Variants in MFSD6 observed in about 807,000 individuals in gnomAD.
MFSD6 encodes the protein major facilitator superfamily domain-containing protein 6.
A neutral mutation model predicts 56.3 loss-of-function variants in MFSD6; 26 were observed. That is an observed-to-expected ratio of 0.46 (90% CI 0.34 to 0.64). The LOEUF is 0.64. Among genes scored for constraint, MFSD6 ranks in the 30% least tolerant of loss-of-function variants. MFSD6 has a pLI of 0.01. For synonymous variants in MFSD6, 331 were observed against 366.9 expected, an observed-to-expected ratio of 0.90 and a Z score of 1.12; for missense variants, 750 against 986.2, an observed-to-expected ratio of 0.76 and a Z score of 3.21.
rs976681419 is a variant in MFSD6 at position 190,418,102 on chromosome 2, C to G, written c.-54+2689C>G. Among the ~76,000 whole-genome samples the G allele has an allele frequency of 7.9e-5, 12 of 151,924 alleles. No homozygotes were observed. The highest frequency in any genetic ancestry group is 2.7e-4 in the African/African-American group (11 of 41,332). On this transcript the variant is annotated intron_variant, in intron 2 of 7. Transcript: ENST00000392328. The surrounding 1 kb of genome is among the most constrained non-coding windows in gnomAD (Gnocchi z 4.1). ...TTTTGGGATCCCTGTCTCATAGCTG[C>G]ACAGTGCATTGAGAGTCAGTACCTG...
chr2:190,442,987 C>G (rs1024892143), intron 3 of MFSD6: 2 of 152,148 alleles, frequency 1.3e-5, no homozygotes, highest in Admixed American at 1.3e-4. Context: ...AAATGTTGGT[C>G]TGTGCTTTAT....
At chr2:190,475,055 G>A (rs1473256872) in intron 4 of MFSD6, among the ~76,000 whole-genome samples, 1 of 152,056 alleles carries the variant, frequency 6.6e-6, no homozygotes, top group African/African-American at 2.4e-5. Flanking sequence ...GGTATTGATG[G>A]GACATATCTC....
intron 2 of MFSD6, among the ~76,000 whole-genome samples, chr2:190,421,735 A>AAAT (rs1553516771): frequency 6.6e-6 from 1 of 151,176 alleles, no homozygotes; most frequent in African/African-American, 2.4e-5. Context: ...TAAAAAAAAA[A>AAAT]TTTTTTTTAA....
Position 190,459,488 on chromosome 2 carries a change from G to GT in MFSD6, c.1533-10270_1533-10269insT, listed in dbSNP as rs1687210050. Among the ~76,000 whole-genome samples the GT allele has an allele frequency of 6.6e-6, 1 of 152,000 alleles. No individual in the cohort carries two copies. The highest frequency in any genetic ancestry group is 6.6e-5 in the Admixed American group (1 of 15,260). Reference sequence around the variant, plus strand: ...ACAAAATTGTAGGGGGTGTGTGTGTGAATATGTTCAGTCATTTGACTAAAC... The same window carrying GT: ...ACAAAATTGTAGGGGGTGTGTGTGTGTAATATGTTCAGTCATTTGACTAAAC... On this transcript the variant is annotated intron_variant, in intron 3 of 7. Coordinates refer to ENST00000392328, the MANE Select transcript of MFSD6 (RefSeq NM_017694.4). The surrounding 1 kb of genome is among the most constrained non-coding windows in gnomAD (Gnocchi z 5.3).
In MFSD6 at chr2:190,431,815, AT is replaced by A. The variant is rs1686014109; in HGVS notation, c.-53-4157del. ...TAAATTTTTCTTTCATATCATCTCA[AT>A]TTTTCATTTATGCTATAATACTTAT... On this transcript the variant is annotated intron_variant, in intron 2 of 7. Coordinates refer to ENST00000392328, the MANE Select transcript of MFSD6 (RefSeq NM_017694.4). This position sits in a 1 kb window ranked among gnomAD's most constrained non-coding sequence, Gnocchi z 4.4. Among the ~76,000 whole-genome samples, 1 of 152,042 alleles carries A rather than the reference AT, an allele frequency of 6.6e-6. No individual in the cohort carries two copies. The highest frequency in any genetic ancestry group is 6.6e-5 in the Admixed American group (1 of 15,264).
At position 190,443,114 on chromosome 2, in the gene MFSD6, A is replaced by T. The variant is rs1187848494; in HGVS notation, c.1532+5553A>T. 2 of 151,950 alleles carry T rather than the reference A, an allele frequency of 1.3e-5. No homozygotes were observed. Among genetic ancestry groups the T allele is most frequent in the African/African-American group, 4.8e-5 (2 of 41,332 alleles). The allele number at this position is 151,950 out of a possible 1,614,324, so 9.4% of individuals were successfully genotyped here. On this transcript the variant is annotated intron_variant, in intron 3 of 7. Transcript: ENST00000392328. This position sits in a 1 kb window ranked among gnomAD's most constrained non-coding sequence, Gnocchi z 4.2. Reference sequence around the variant, plus strand: ...TTTAGCAGCAATGGACTTTCTGAGCACCCCCCAATATCATCACCTGAGCCA... The same window carrying T: ...TTTAGCAGCAATGGACTTTCTGAGCTCCCCCCAATATCATCACCTGAGCCA...
rs185086098 is a variant in MFSD6 at position 190,416,653 on chromosome 2, A to G, written c.-54+1240A>G. 6.6e-6 allele frequency among the ~76,000 whole-genome samples: 1 copy of G among 152,250 alleles called. No homozygotes were observed. Among genetic ancestry groups the G allele is most frequent in the Non-Finnish European group, 1.5e-5 (1 of 68,050 alleles). ...AAAGTGCTTTTGGCATAATTGCAAA[A>G]TAAGACCCAGAGTTTTAATGAAATA... On this transcript the variant is annotated intron_variant, in intron 2 of 7. Coordinates refer to ENST00000392328, the MANE Select transcript of MFSD6 (RefSeq NM_017694.4). The surrounding 1 kb of genome is among the most constrained non-coding windows in gnomAD (Gnocchi z 4.1).
Position 190,459,490 on chromosome 2 carries a change from A to G in MFSD6, c.1533-10268A>G, listed in dbSNP as rs114192658. 2.6e-5 allele frequency among the ~76,000 whole-genome samples: 4 copies of G among 152,200 alleles called. No homozygotes were observed. Among genetic ancestry groups the G allele is most frequent in the Admixed American group, 1.3e-4 (2 of 15,282 alleles). ...AAAATTGTAGGGGGTGTGTGTGTGA[A>G]TATGTTCAGTCATTTGACTAAACAG... On this transcript the variant is annotated intron_variant, in intron 3 of 7. Coordinates refer to ENST00000392328, the MANE Select transcript of MFSD6 (RefSeq NM_017694.4). This position sits in a 1 kb window ranked among gnomAD's most constrained non-coding sequence, Gnocchi z 5.3.
rs1052321312 is a variant in MFSD6, at chr2:190,426,385, A to G, written c.-53-9592A>G. Among the ~76,000 whole-genome samples the G allele has an allele frequency of 2.7e-5, 4 of 150,214 alleles. No homozygotes were observed. Among genetic ancestry groups the G allele is most frequent in the African/African-American group, 9.8e-5 (4 of 40,858 alleles). ...TGTATTTTCCAGTTATAAGTTTTCCATTTTTTCTTCCATTTCTTTGCTGAG... is the reference window on the plus strand; with the variant it reads ...TGTATTTTCCAGTTATAAGTTTTCCGTTTTTTCTTCCATTTCTTTGCTGAG... On this transcript the variant is annotated intron_variant, in intron 2 of 7. Coordinates refer to ENST00000392328, the MANE Select transcript of MFSD6 (RefSeq NM_017694.4). This position sits in a 1 kb window ranked among gnomAD's most constrained non-coding sequence, Gnocchi z 4.7.
intron 4 of MFSD6, among the ~76,000 whole-genome samples, chr2:190,481,183 T>C (rs537142797): frequency 2.0e-5 from 3 of 152,380 alleles, no homozygotes; most frequent in African/African-American, 7.2e-5. Flanking sequence ...TTTTGGGTGG[T>C]AGTCTCCTAA....
chr2:190,493,021 C>A (rs1281546259), intron 6 of MFSD6, among the ~76,000 whole-genome samples: 1 of 151,810 alleles, frequency 6.6e-6, no homozygotes, highest in African/African-American at 2.4e-5. Context: ...TGGAATAGTA[C>A]CTCACATTTC....
rs1689272775 is a variant in MFSD6, at chr2:190,490,414, T to A, written c.1891+548T>A. Among the ~76,000 whole-genome samples, 1 of 151,900 alleles carries A rather than the reference T, an allele frequency of 6.6e-6. No individual in the cohort carries two copies. The highest frequency in any genetic ancestry group is 2.4e-5 in the African/African-American group (1 of 41,368). ...CCATCTCTACTAAAAATATAAAAAA[T>A]TAGCCGGGCACGGTGGTGGGCGCCT... On this transcript the variant is annotated intron_variant, in intron 6 of 7. Coordinates refer to ENST00000392328, the MANE Select transcript of MFSD6 (RefSeq NM_017694.4). The surrounding 1 kb of genome is among the most constrained non-coding windows in gnomAD (Gnocchi z 4.5).
rs768723792 is a variant in MFSD6 at position 190,441,800 on chromosome 2, C to T, written c.1532+4239C>T. On this transcript the variant is annotated intron_variant, in intron 3 of 7. Transcript: ENST00000392328. The stretch of plus-strand genomic sequence containing the variant: ...CACCCACTGTGGGTGGCCCTGAGCT[C>T]CAACAACATTCTCTCCTCTCTTTAT... Among the ~76,000 whole-genome samples the T allele has an allele frequency of 1.2e-3, 186 of 152,200 alleles. 1 individual carries two copies. The highest frequency in any genetic ancestry group is 2.1e-3 in the Non-Finnish European group (145 of 68,000).
intron 2 of MFSD6, among the ~76,000 whole-genome samples, chr2:190,427,739 CT>C (rs890160578): frequency 2.8e-5 from 4 of 140,480 alleles, no homozygotes; most frequent in East Asian, 4.1e-4. Flanking sequence ...TTTTTTTTTT[CT>C]TTTTTTTTGA....
rs551396945 is a variant in MFSD6, at chr2:190,432,311, G to T, written c.-53-3666G>T. On this transcript the variant is annotated intron_variant, in intron 2 of 7. Coordinates refer to ENST00000392328, the MANE Select transcript of MFSD6 (RefSeq NM_017694.4). ...AAGTGGGATGGGGAAAGGGGCCAAG[G>T]CTCAGAATCCAGGATGTGTATGTTC... Among the ~76,000 whole-genome samples the T allele has an allele frequency of 1.2e-3, 183 of 152,346 alleles. 4 individuals are homozygous for T. The highest frequency in any genetic ancestry group is 0.012 in the Admixed American group (178 of 15,312).
chr2:190,430,628 A>G (rs965557814), intron 2 of MFSD6, among the ~76,000 whole-genome samples: 1 of 151,964 alleles, frequency 6.6e-6, no homozygotes, highest in African/African-American at 2.4e-5. Flanking sequence ...CACAGCAACC[A>G]TCCGATTTCT....
At chr2:190,432,792 T>G (rs983992655) in intron 2 of MFSD6, among the ~76,000 whole-genome samples, 3 of 151,984 alleles carry the variant, frequency 2.0e-5, no homozygotes, top group African/African-American at 7.3e-5. Flanking sequence ...TCAGCTCTAT[T>G]TGAGCACCTC....
intron 4 of MFSD6, among the ~76,000 whole-genome samples, chr2:190,476,755 A>G (rs1395520949): frequency 1.3e-5 from 2 of 152,102 alleles, no homozygotes; most frequent in African/African-American, 2.4e-5. Context: ...ACATGCACAC[A>G]TATGTTTATT....
In MFSD6 at chr2:190,458,791, G is replaced by A. The variant is rs1374106231; in HGVS notation, c.1533-10967G>A. Among the ~76,000 whole-genome samples the A allele has an allele frequency of 1.3e-5, 2 of 152,164 alleles. No individual in the cohort carries two copies. The highest frequency in any genetic ancestry group is 2.9e-5 in the Non-Finnish European group (2 of 68,030). On this transcript the variant is annotated intron_variant, in intron 3 of 7. Coordinates refer to ENST00000392328, the MANE Select transcript of MFSD6 (RefSeq NM_017694.4). The surrounding 1 kb of genome is among the most constrained non-coding windows in gnomAD (Gnocchi z 5.3). ...TGAGAAGTCCAGCAAATGACCAGAG[G>A]TGTAGCTTTAACCAGGTCTCAGATG...
Sources: allele counts gnomAD v4.1 joint callset (sites outside exome capture counted in the v4.1 genomes callset), GRCh38; gene constraint gnomAD v4.1.1; non-coding constraint Gnocchi (gnomAD v3.1); transcripts MANE v1.5; gene names NCBI Gene and HGNC (gene_info 2026-07-23, HGNC 2026-07-21).